The following RPTOR variants were observed in gnomAD, a reference collection of about 807,000 sequenced individuals.
The protein encoded by RPTOR is regulatory-associated protein of mTOR.
Under a neutral mutation model 169.9 loss-of-function variants are expected in RPTOR, and 21 were observed. That is an observed-to-expected ratio of 0.12 (90% confidence interval 0.09 to 0.18). The LOEUF is 0.18. RPTOR is among the 10% of genes least tolerant of loss of function. The probability of loss-of-function intolerance (pLI) is 1.00; values close to 1 mark genes in which losing one functional copy is unlikely to be tolerated. For synonymous variants in RPTOR, 732 were observed against 753.2 expected (o/e 0.97, Z 0.46); for missense variants, 1,133 against 1,855.9 (o/e 0.61, Z 7.16).
chr17:80,556,241 CACA>C (rs1017618659), intron 1 of RPTOR, among the ~76,000 whole-genome samples: 3 of 152,108 alleles, frequency 2.0e-5, no homozygotes, highest in African/African-American at 7.2e-5. Context: ...CAAATTTATA[CACA>C]ACAATTCCCT....
At chr17:80,694,984 C>T (rs1185190918) in intron 3 of RPTOR, among the ~76,000 whole-genome samples, 1 of 152,186 alleles carries the variant, frequency 6.6e-6, no homozygotes, top group Non-Finnish European at 1.5e-5. Context: ...GCCTCTGGGC[C>T]TCCGTGGGTG....
chr17:80,656,342 A>T (rs1181738997), intron 3 of RPTOR, among the ~76,000 whole-genome samples: 1 of 152,224 alleles, frequency 6.6e-6, no homozygotes, highest in Admixed American at 6.5e-5. Context: ...TGCTGGGATT[A>T]CAGGTGTGAG....
chr17:80,798,694 A>T (rs2067125519), intron 7 of RPTOR, among the ~76,000 whole-genome samples: 1 of 152,152 alleles, frequency 6.6e-6, no homozygotes, highest in Non-Finnish European at 1.5e-5. Context: ...CACAGGGCTG[A>T]GCCAAGGGGG....
At chr17:80,683,255 G>A (rs2143712786) in intron 3 of RPTOR, among the ~76,000 whole-genome samples, 1 of 152,286 alleles carries the variant, frequency 6.6e-6, no homozygotes, top group South Asian at 2.1e-4. Flanking sequence ...AAGGATGCGG[G>A]CCAGTTCAGT....
At chr17:80,637,728 T>C (rs1599624631) in intron 2 of RPTOR, among the ~76,000 whole-genome samples, 1 of 152,112 alleles carries the variant, frequency 6.6e-6, no homozygotes, top group Non-Finnish European at 1.5e-5. Context: ...TCAGAAGAGG[T>C]GAGAATGCAA....
intron 1 of RPTOR, among the ~76,000 whole-genome samples, chr17:80,595,080 GAGAA>G (rs2065135298): frequency 1.3e-5 from 2 of 152,050 alleles, no homozygotes; most frequent in Admixed American, 1.3e-4. Context: ...CTAGGGAGAA[GAGAA>G]AGAGAGAGAG....
chr17:80,681,196 C>A (rs1185838957), intron 3 of RPTOR, among the ~76,000 whole-genome samples: 1 of 152,152 alleles, frequency 6.6e-6, no homozygotes, highest in African/African-American at 2.4e-5. Context: ...AACACCACCT[C>A]CAAATGCTGG....
At chr17:80,771,655 C>G (rs1044758739) in intron 6 of RPTOR, among the ~76,000 whole-genome samples, 1 of 151,574 alleles carries the variant, frequency 6.6e-6, no homozygotes, top group East Asian at 1.9e-4. Context: ...ACCTGAGAGG[C>G]CTTAGGAATG....
intron 1 of RPTOR, among the ~76,000 whole-genome samples, chr17:80,561,270 T>TAC (rs1304624729): frequency 2.4e-5 from 1 of 40,890 alleles, no homozygotes; most frequent in Non-Finnish European, 6.2e-5. Context: ...TATGTATATA[T>TAC]ATATATATAT....
At chr17:80,650,509 G>T (rs1013446021) in intron 3 of RPTOR, among the ~76,000 whole-genome samples, 3 of 152,232 alleles carry the variant, frequency 2.0e-5, no homozygotes, top group African/African-American at 2.4e-5. Context: ...GCACTGAGGG[G>T]TGGGGTGGGG....
Position 80,957,747 on chromosome 17 carries a change from C to A in RPTOR, c.3477+17C>A. The A allele has an allele frequency of 1.9e-6, 3 of 1,608,752 alleles. No individual in the cohort carries two copies. The highest frequency in any genetic ancestry group is 2.6e-6 in the Non-Finnish European group (3 of 1,175,476). On this transcript the variant is annotated intron_variant, in intron 29 of 33. Coordinates refer to ENST00000306801, the MANE Select transcript of RPTOR (RefSeq NM_020761.3). The surrounding 1 kb of genome is among the most constrained non-coding windows in gnomAD (Gnocchi z 4.6). ...AAGGTGCAGGTAACCATGCAGGTGT[C>A]CCCCAAGCCCTGGGCCTGTGGGGCA...
chr17:80,686,564 C>T (rs935750583), intron 3 of RPTOR, among the ~76,000 whole-genome samples: 3 of 152,016 alleles, frequency 2.0e-5, no homozygotes, highest in Admixed American at 6.5e-5. Flanking sequence ...ATTTGCCTTT[C>T]GGGACTCATT....
intron 6 of RPTOR, among the ~76,000 whole-genome samples, chr17:80,782,535 C>G (rs781423466): frequency 5.5e-4 from 84 of 152,282 alleles, no homozygotes; most frequent in Non-Finnish European, 1.1e-3. Context: ...ACTAATGCCT[C>G]TTGCAGCCAT....
At chr17:80,877,662 G>A (rs2068136634) in intron 13 of RPTOR, among the ~76,000 whole-genome samples, 1 of 152,224 alleles carries the variant, frequency 6.6e-6, no homozygotes, top group Non-Finnish European at 1.5e-5. Context: ...TCAGAACCCA[G>A]TGCTTTTTCT....
At chr17:80,934,505 T>C (rs1285012489) in intron 24 of RPTOR, among the ~76,000 whole-genome samples, 3 of 152,126 alleles carry the variant, frequency 2.0e-5, no homozygotes, top group Non-Finnish European at 4.4e-5. Context: ...ACTACAGGCA[T>C]GCACCACCAG....
chr17:80,838,494 C>T (rs1312891872), intron 10 of RPTOR, among the ~76,000 whole-genome samples: 1 of 152,198 alleles, frequency 6.6e-6, no homozygotes, highest in African/African-American at 2.4e-5. Flanking sequence ...TGAGGGTGGC[C>T]CCGGGCCTTC....
chr17:80,785,979 T>C (rs181535710), intron 6 of RPTOR, among the ~76,000 whole-genome samples: 1 of 152,266 alleles, frequency 6.6e-6, no homozygotes, highest in African/African-American at 2.4e-5. Flanking sequence ...GGAGTTTTCA[T>C]AGAGCGTCTG....
chr17:80,575,003 A>G lies in RPTOR; in HGVS notation c.162+29212A>G, dbSNP rs77559670. On this transcript the variant is annotated intron_variant, in intron 1 of 33. Coordinates refer to ENST00000306801, the MANE Select transcript of RPTOR (RefSeq NM_020761.3). ...TATATCTTATTATTTCCTTTTTTCT[A>G]CTTTCCTTGGGTTTGTTTTATTACC... Among the ~76,000 whole-genome samples, 1,343 of 148,908 alleles carry G rather than the reference A, an allele frequency of 9.0e-3. 24 individuals are homozygous for G. Among genetic ancestry groups the G allele is most frequent in the African/African-American group, 0.032 (1,292 of 40,406 alleles).
Position 80,957,377 on chromosome 17 carries a change from A to G in RPTOR, c.3371-247A>G, listed in dbSNP as rs1004536000. Among the ~76,000 whole-genome samples the G allele has an allele frequency of 1.3e-5, 2 of 151,878 alleles. No individual in the cohort carries two copies. The highest frequency in any genetic ancestry group is 1.3e-4 in the Admixed American group (2 of 15,246). ...ACCCCAGCCTGGACTTGGGAGTTCC[A>G]GCTCAGAATTGTCATCCCGGCCCGG... is the stretch of plus-strand genomic sequence containing the variant. On this transcript the variant is annotated intron_variant, in intron 28 of 33. Coordinates refer to ENST00000306801, the MANE Select transcript of RPTOR (RefSeq NM_020761.3). The surrounding 1 kb of genome is among the most constrained non-coding windows in gnomAD (Gnocchi z 4.6).
Sources: allele counts gnomAD v4.1 joint callset (sites outside exome capture counted in the v4.1 genomes callset), GRCh38; gene constraint gnomAD v4.1.1; non-coding constraint Gnocchi (gnomAD v3.1); transcripts MANE v1.5; gene names NCBI Gene and HGNC (gene_info 2026-07-23, HGNC 2026-07-21).